The following MARCHF3 variants were observed in gnomAD, a reference collection of about 807,000 sequenced individuals.
The protein encoded by MARCHF3 is membrane associated ring-CH-type finger 3.
A neutral mutation model predicts 24.2 loss-of-function variants in MARCHF3; 13 were observed. That is an observed-to-expected ratio of 0.54 (90% CI 0.35 to 0.85). The LOEUF (loss-of-function observed/expected upper bound fraction) is 0.85. Ranked by LOEUF, MARCHF3 falls within the 40% of genes least tolerant of loss-of-function variation. MARCHF3 has a pLI of 0.01. For missense variants in MARCHF3, 276 were observed against 325.0 expected (o/e 0.85, Z 1.16); for synonymous variants, 144 against 137.3 (o/e 1.05, Z -0.34).
At position 126,869,094 on chromosome 5, in the gene MARCHF3, T is replaced by C. The variant is rs1185216254; in HGVS notation, c.*1539A>G. ...GGCAGCGCTGGGAGCAGCCAGTGAA[T>C]GGAGGGCTCGCCTACAAAGGGGACA... On this transcript the variant is annotated 3_prime_UTR_variant, in exon 5 of 5. Transcript: ENST00000308660. 2 of 152,156 alleles carry C rather than the reference T, an allele frequency of 1.3e-5. No individual in the cohort carries two copies. The highest frequency in any genetic ancestry group is 1.3e-4 in the Admixed American group (2 of 15,268). 9.4% of individuals were successfully genotyped at this position (152,156 alleles called of 1,614,324 possible).
chr5:126,967,819 ATAAT>A (rs1322752697), intron 1 of MARCHF3, among the ~76,000 whole-genome samples: 1 of 152,202 alleles, frequency 6.6e-6, no homozygotes, highest in Non-Finnish European at 1.5e-5. Context: ...AAATTGAGAT[ATAAT>A]TAATATAACA....
At chr5:126,916,569 T>A (rs1345887156) in intron 2 of MARCHF3, among the ~76,000 whole-genome samples, 1 of 151,440 alleles carries the variant, frequency 6.6e-6, no homozygotes, top group Non-Finnish European at 1.5e-5. Flanking sequence ...AGCTGACAAG[T>A]TTTTTTTTAA....
At chr5:126,948,918 G>A (rs1029363407) in intron 1 of MARCHF3, among the ~76,000 whole-genome samples, 4 of 152,172 alleles carry the variant, frequency 2.6e-5, no homozygotes, top group Non-Finnish European at 5.9e-5. Context: ...CTTTGTGAGT[G>A]TGCCTTTGTC....
At chr5:126,872,046 G>C (rs1238353240) in intron 4 of MARCHF3, among the ~76,000 whole-genome samples, 1 of 147,216 alleles carries the variant, frequency 6.8e-6, no homozygotes, top group Non-Finnish European at 1.5e-5. Context: ...TAGAAGCAGT[G>C]ACATAATGGT....
At chr5:126,902,885 T>C (rs1300707844) in intron 3 of MARCHF3, among the ~76,000 whole-genome samples, 1 of 152,012 alleles carries the variant, frequency 6.6e-6, no homozygotes, top group African/African-American at 2.4e-5. Flanking sequence ...CGAGTCCACG[T>C]GGAGGCAGGT....
chr5:126,962,743 C>T (rs777482355), intron 1 of MARCHF3, among the ~76,000 whole-genome samples: 19 of 150,880 alleles, frequency 1.3e-4, no homozygotes, highest in African/African-American at 1.7e-4. Flanking sequence ...TGCAAATATC[C>T]CAGAAACTGA....
chr5:126,916,017 A>T (rs558888886), intron 2 of MARCHF3, among the ~76,000 whole-genome samples: 50 of 152,360 alleles, frequency 3.3e-4, no homozygotes, highest in African/African-American at 1.1e-3. Flanking sequence ...ATGTGAAAAG[A>T]TAGCCCAGAT....
At chr5:126,900,703 A>ATTT (rs1367764047) in intron 3 of MARCHF3, among the ~76,000 whole-genome samples, 2 of 142,594 alleles carry the variant, frequency 1.4e-5, no homozygotes, top group Non-Finnish European at 3.1e-5. Context: ...TTCTTCTTTA[A>ATTT]TTTTTTTTTT....
At chr5:127,024,480 T>C (rs2126866098) in intron 1 of MARCHF3, among the ~76,000 whole-genome samples, 1 of 152,218 alleles carries the variant, frequency 6.6e-6, no homozygotes, top group South Asian at 2.1e-4. Context: ...GAAGAAGACA[T>C]CAGGTCAAAC....
intron 1 of MARCHF3, among the ~76,000 whole-genome samples, chr5:126,951,929 C>T (rs888817243): frequency 3.3e-5 from 5 of 152,248 alleles, no homozygotes; most frequent in African/African-American, 7.2e-5. Context: ...TCACTGCAAC[C>T]TCTGCCTCCC....
At chr5:127,028,255 T>C (rs991347880) in intron 1 of MARCHF3, among the ~76,000 whole-genome samples, 6 of 152,224 alleles carry the variant, frequency 3.9e-5, no homozygotes, top group Non-Finnish European at 7.3e-5. Context: ...ATACTGCCTT[T>C]ATTTTGTCAC....
chr5:126,938,165 CTTTTTTTTTTT>C (rs527628656), intron 1 of MARCHF3, among the ~76,000 whole-genome samples: 1 of 122,916 alleles, frequency 8.1e-6, no homozygotes, highest in African/African-American at 3.1e-5. Flanking sequence ...TGATCTGATT[CTTTTTTTTTTT>C]TTTTTTTTTT....
At chr5:126,894,117 G>T (rs1310821640) in intron 3 of MARCHF3, among the ~76,000 whole-genome samples, 5 of 138,414 alleles carry the variant, frequency 3.6e-5, no homozygotes, top group Admixed American at 1.4e-4. Context: ...TGCAACCCCT[G>T]CCTTTTTTTG....
At chr5:126,985,146 G>T (rs1437620832) in intron 1 of MARCHF3, among the ~76,000 whole-genome samples, 2 of 152,208 alleles carry the variant, frequency 1.3e-5, no homozygotes, top group East Asian at 3.9e-4. Flanking sequence ...GACTACTCTT[G>T]GCTTTTGTAA....
intron 1 of MARCHF3, among the ~76,000 whole-genome samples, chr5:126,941,853 G>T: frequency 6.6e-6 from 1 of 152,196 alleles, no homozygotes; most frequent in Non-Finnish European, 1.5e-5. Flanking sequence ...CCTGTAAGGT[G>T]TAAGCATACA....
intron 1 of MARCHF3, among the ~76,000 whole-genome samples, chr5:126,970,772 T>G (rs1246721422): frequency 6.6e-6 from 1 of 152,190 alleles, no homozygotes; most frequent in Non-Finnish European, 1.5e-5. Flanking sequence ...CTACTTCCAG[T>G]TTCTTCAAAG....
At chr5:126,911,709 T>C (rs1456254843) in intron 3 of MARCHF3, among the ~76,000 whole-genome samples, 3 of 152,144 alleles carry the variant, frequency 2.0e-5, no homozygotes, top group Non-Finnish European at 4.4e-5. Context: ...AGTAAATAGA[T>C]ATCTACTAAC....
chr5:127,001,174 G>A (rs898701766), intron 1 of MARCHF3, among the ~76,000 whole-genome samples: 2 of 151,802 alleles, frequency 1.3e-5, no homozygotes. Context: ...GGAGATGGAG[G>A]TTGCAGTGAG....
At chr5:126,975,198 G>A (rs1304164004) in intron 1 of MARCHF3, among the ~76,000 whole-genome samples, 1 of 152,184 alleles carries the variant, frequency 6.6e-6, no homozygotes, top group Non-Finnish European at 1.5e-5. Flanking sequence ...CTTGTGATCT[G>A]CCTGCCTTGG....
Sources: gnomAD v4.1 joint callset for allele counts (sites outside exome capture counted in the v4.1 genomes callset) on GRCh38, gnomAD v4.1.1 for gene constraint, MANE v1.5 for transcripts, NCBI Gene and HGNC (gene_info 2026-07-23, HGNC 2026-07-21) for gene names.